The following SAMD12 variants were observed in gnomAD, a reference collection of about 807,000 sequenced individuals.
SAMD12 encodes sterile alpha motif domain-containing protein 12.
In SAMD12, 9 loss-of-function variants were observed where a neutral mutation model predicts 15.0. That is an observed-to-expected ratio of 0.60 (90% CI 0.36 to 1.05). The LOEUF (loss-of-function observed/expected upper bound fraction) is 1.05. Among genes scored for constraint, SAMD12 ranks in the 50% least tolerant of loss-of-function variants. The pLI, the probability that SAMD12 is intolerant of heterozygous loss-of-function variation, is 0.01. For synonymous variants in SAMD12, 86 were observed against 90.1 expected, an observed-to-expected ratio of 0.96 and a Z score of 0.25; for missense variants, 230 against 234.2, an observed-to-expected ratio of 0.98 and a Z score of 0.12.
chr8:118,318,306 ATG>A (rs1245583708), intron 4 of SAMD12, among the ~76,000 whole-genome samples: 833 of 81,830 alleles, frequency 0.01, 12 homozygotes, highest in African/African-American at 0.02. Flanking sequence ...TGGGAGATAT[ATG>A]TGTATATATA....
At chr8:118,421,548 T>A (rs573863177) in intron 3 of SAMD12, among the ~76,000 whole-genome samples, 1 of 152,346 alleles carries the variant, frequency 6.6e-6, no homozygotes, top group South Asian at 2.1e-4. Flanking sequence ...TATCCAAATG[T>A]GGACACTTTG....
At chr8:118,564,655 C>T (rs576584707) in intron 2 of SAMD12, among the ~76,000 whole-genome samples, 2 of 152,306 alleles carry the variant, frequency 1.3e-5, no homozygotes, top group Non-Finnish European at 2.9e-5. Context: ...AGATTCCTGC[C>T]TATGAAGTGC....
intron 4 of SAMD12, among the ~76,000 whole-genome samples, chr8:118,354,385 G>A (rs898515919): frequency 2.0e-5 from 3 of 151,936 alleles, no homozygotes; most frequent in East Asian, 1.9e-4. Context: ...CCTTTCCTCC[G>A]TAATTTTCAT....
chr8:118,430,175 C>T (rs553608017), intron 3 of SAMD12, among the ~76,000 whole-genome samples: 1 of 152,232 alleles, frequency 6.6e-6, no homozygotes, highest in South Asian at 2.1e-4. Context: ...AGTTAGGTCA[C>T]ATTGATTGAC....
rs1224821409 is a variant in SAMD12 at position 118,378,501 on chromosome 8, C to G, written c.*916G>C. 1 of 984,282 alleles carries G rather than the reference C, an allele frequency of 1.0e-6. No homozygotes were observed. Among genetic ancestry groups the G allele is most frequent in the Non-Finnish European group, 1.2e-6 (1 of 829,072 alleles). 61.0% of individuals were successfully genotyped at this position (984,282 alleles called of 1,614,324 possible). ...CGATCACTTGAAATCTATATTTATC[C>G]TTCTAGAATAGTCATCTTTCAGGGA... On this transcript the variant is annotated 3_prime_UTR_variant, in exon 4 of 4. Transcript: ENST00000314727.
At chr8:118,211,732 TC>T (rs1281477141) in intron 4 of SAMD12, among the ~76,000 whole-genome samples, 3 of 151,902 alleles carry the variant, frequency 2.0e-5, no homozygotes, top group Non-Finnish European at 4.4e-5. Flanking sequence ...TGCGAGGGAG[TC>T]CTGGGCAGTG....
intron 2 of SAMD12, among the ~76,000 whole-genome samples, chr8:118,496,580 G>A (rs1824618013): frequency 6.6e-6 from 1 of 152,014 alleles, no homozygotes; most frequent in Non-Finnish European, 1.5e-5. Flanking sequence ...TCAAGATAGA[G>A]TAAAAGCATA....
chr8:118,327,956 C>T (rs73323658), intron 4 of SAMD12, among the ~76,000 whole-genome samples: 4,166 of 152,186 alleles, frequency 0.027, 170 homozygotes, highest in African/African-American at 0.093. Flanking sequence ...CTGTGGGTGA[C>T]ATATTTTCAC....
In SAMD12 at chr8:118,379,556, G is replaced by T; in HGVS notation, c.467C>A (p.Thr156Asn). 6.2e-7 allele frequency: 1 copy of T among 1,613,858 alleles called. No homozygotes were observed. Among genetic ancestry groups the T allele is most frequent in the Non-Finnish European group, 8.5e-7 (1 of 1,179,868 alleles). The part of the protein sequence containing the change: ...VRNLQLLTQG[T>N]LLLPDGWMDG... ...CATCCACCCATCAGGAAGCAATAGG[G>T]TACCTTGTGTGAGTAACTGTAGATT... The change falls in exon 4 of 4, where the codon ACC becomes AAC. Residue 156 changes from threonine to asparagine, a missense_variant. Thr to Asn is a moderately conservative substitution (Grantham distance 65). Coordinates refer to ENST00000314727, the MANE Select transcript of SAMD12 (RefSeq NM_207506.3).
intron 4 of SAMD12, among the ~76,000 whole-genome samples, chr8:118,280,971 A>G (rs1040198206): frequency 3.3e-5 from 5 of 152,210 alleles, no homozygotes; most frequent in African/African-American, 1.2e-4. Context: ...TAATGATGAT[A>G]TCCTAATCAT....
chr8:118,192,374 C>T (rs1412721659), exon 5 of SAMD12: 1 of 152,080 alleles, frequency 6.6e-6, no homozygotes, highest in African/African-American at 2.4e-5. Context: ...ATCCAAATGA[C>T]TGAATTTAAA....
chr8:118,575,551 C>T (rs1446941636), intron 2 of SAMD12, among the ~76,000 whole-genome samples: 1 of 152,074 alleles, frequency 6.6e-6, no homozygotes, highest in Admixed American at 6.6e-5. Flanking sequence ...AGATTATTAG[C>T]CAGAAACTAA....
At chr8:118,440,324 A>C (rs545530243) in intron 2 of SAMD12, among the ~76,000 whole-genome samples, 1 of 152,294 alleles carries the variant, frequency 6.6e-6, no homozygotes, top group South Asian at 2.1e-4. Flanking sequence ...GTATTCCAAG[A>C]AAGTATTTAT....
chr8:118,196,461 G>A (rs544831837), exon 5 of SAMD12: 7 of 152,046 alleles, frequency 4.6e-5, no homozygotes, highest in African/African-American at 1.7e-4. Context: ...TAATTAAGTT[G>A]ACTGGTTTCC....
chr8:118,151,774 G>A, the SAMD12 span, among the ~76,000 whole-genome samples: 1 of 150,620 alleles, frequency 6.6e-6, no homozygotes, highest in Non-Finnish European at 1.5e-5. Context: ...AGCTTGCAGT[G>A]AGCTGAGATC....
At chr8:118,325,420 T>C (rs1816519448) in intron 4 of SAMD12, among the ~76,000 whole-genome samples, 1 of 152,156 alleles carries the variant, frequency 6.6e-6, no homozygotes, top group Non-Finnish European at 1.5e-5. Context: ...ATTATTTCTT[T>C]GCTCCCCCGG....
chr8:118,534,539 T>C (rs1825784514), intron 2 of SAMD12, among the ~76,000 whole-genome samples: 1 of 152,232 alleles, frequency 6.6e-6, no homozygotes, highest in Non-Finnish European at 1.5e-5. Flanking sequence ...GCAGAGTGTT[T>C]TCCAACTTGG....
At chr8:118,569,043 G>A (rs534720486) in intron 2 of SAMD12, among the ~76,000 whole-genome samples, 3 of 152,240 alleles carry the variant, frequency 2.0e-5, no homozygotes, top group African/African-American at 7.2e-5. Context: ...TTATGATGGT[G>A]ATATTCAACT....
intron 4 of SAMD12, among the ~76,000 whole-genome samples, chr8:118,343,321 G>C (rs1817465795): frequency 6.6e-6 from 1 of 151,948 alleles, no homozygotes; most frequent in Non-Finnish European, 1.5e-5. Flanking sequence ...GATAGTTTTG[G>C]AGAGAAAATC....
Sources: allele counts gnomAD v4.1 joint callset (sites outside exome capture counted in the v4.1 genomes callset), GRCh38; gene constraint gnomAD v4.1.1; transcripts MANE v1.5; gene names NCBI Gene and HGNC (gene_info 2026-07-23, HGNC 2026-07-21).